The following AGTPBP1 variants were observed in gnomAD, a reference collection of about 807,000 sequenced individuals.
AGTPBP1 encodes the protein cytosolic carboxypeptidase 1.
Under a neutral mutation model 143.9 loss-of-function variants are expected in AGTPBP1, and 70 were observed. That is an observed-to-expected ratio of 0.49 (90% CI 0.40 to 0.59). The LOEUF is 0.59. AGTPBP1 is among the 20% of genes least tolerant of loss of function. The pLI is 0.00. For synonymous variants in AGTPBP1, 463 were observed against 500.2 expected (o/e 0.93, Z 0.99); for missense variants, 1,229 against 1,464.5 (o/e 0.84, Z 2.62).
At chr9:85,695,386 G>A (rs1836158185) in intron 2 of AGTPBP1, among the ~76,000 whole-genome samples, 1 of 152,042 alleles carries the variant, frequency 6.6e-6, no homozygotes, top group Non-Finnish European at 1.5e-5. Context: ...AAAATGCTAA[G>A]GGTACCTAAG....
At chr9:85,767,536 T>TG in the AGTPBP1 span, among the ~76,000 whole-genome samples, 1 of 152,042 alleles carries the variant, frequency 6.6e-6, no homozygotes, top group Non-Finnish European at 1.5e-5. Context: ...TTAGTAGAGA[T>TG]GGGGTTTCAC....
the AGTPBP1 span, among the ~76,000 whole-genome samples, chr9:85,753,757 A>AATAG: frequency 0.038 from 5,541 of 145,620 alleles, 104 homozygotes; most frequent in Middle Eastern, 0.059. Context: ...CCTCTCAATA[A>AATAG]ATAGATAGAT....
intron 1 of AGTPBP1, among the ~76,000 whole-genome samples, chr9:85,725,334 G>A (rs989067355): frequency 6.6e-6 from 1 of 152,126 alleles, no homozygotes; most frequent in African/African-American, 2.4e-5. Context: ...TAACTTTTGT[G>A]CATCAAGCAA....
chr9:85,721,024 T>C (rs1029189144), intron 1 of AGTPBP1, among the ~76,000 whole-genome samples: 5 of 152,246 alleles, frequency 3.3e-5, no homozygotes, highest in Non-Finnish European at 5.9e-5. Flanking sequence ...CACTGTGGTC[T>C]GAGAGATAGT....
At chr9:85,705,268 C>A (rs1318431332) in intron 2 of AGTPBP1, among the ~76,000 whole-genome samples, 1 of 147,084 alleles carries the variant, frequency 6.8e-6, no homozygotes, top group Non-Finnish European at 1.5e-5. Flanking sequence ...TCAAACCTTC[C>A]AAAATCAGTG....
chr9:85,655,643 G>A (rs1477988367), intron 10 of AGTPBP1, among the ~76,000 whole-genome samples: 8 of 151,140 alleles, frequency 5.3e-5, no homozygotes, highest in Non-Finnish European at 1.0e-4. Context: ...TAAGGGAAAA[G>A]GGGGAAAAGG....
chr9:85,686,473 C>T (rs1835494655), intron 3 of AGTPBP1, among the ~76,000 whole-genome samples: 1 of 152,024 alleles, frequency 6.6e-6, no homozygotes, highest in Non-Finnish European at 1.5e-5. Flanking sequence ...GTGCACAGTT[C>T]CCAGGACACA....
the AGTPBP1 span, among the ~76,000 whole-genome samples, chr9:85,759,116 T>G: frequency 6.6e-6 from 1 of 152,136 alleles, no homozygotes. Context: ...CTCAGATTCA[T>G]AAAGCAAGTC....
intron 2 of AGTPBP1, among the ~76,000 whole-genome samples, chr9:85,696,412 A>G (rs1836241741): frequency 6.6e-6 from 1 of 152,170 alleles, no homozygotes; most frequent in African/African-American, 2.4e-5. Context: ...TCATGCCTGT[A>G]ATTCCAGCAC....
intron 2 of AGTPBP1, among the ~76,000 whole-genome samples, chr9:85,707,840 A>T (rs1173248800): frequency 2.6e-5 from 4 of 151,214 alleles, no homozygotes; most frequent in Non-Finnish European, 5.9e-5. Flanking sequence ...GCATGTTCTC[A>T]CTCATAAGTG....
In AGTPBP1 at chr9:85,728,030, T is replaced by TATATACACAC. The variant is rs71505763; in HGVS notation, c.-34+13744_-34+13745insGTGTGTATAT. 7.3e-4 allele frequency among the ~76,000 whole-genome samples: 94 copies of TATATACACAC among 128,432 alleles called. 1 individual carries two copies. Among genetic ancestry groups the TATATACACAC allele is most frequent in the African/African-American group, 2.5e-3 (87 of 34,778 alleles). 84.3% of individuals were successfully genotyped at this position (128,432 alleles called of 152,430 possible). On this transcript the variant is annotated intron_variant, in intron 1 of 25. Transcript: ENST00000357081. ...CCGTGTCTCAAAATATATATTTATA[T>TATATACACAC]ACACACACACACACACACACACACA...
intron 25 of AGTPBP1, among the ~76,000 whole-genome samples, chr9:85,547,789 T>G (rs931066930): frequency 1.4e-4 from 21 of 152,200 alleles, no homozygotes; most frequent in African/African-American, 5.1e-4. Context: ...CCAGTTTCCG[T>G]AGGTCAAGAA....
At chr9:85,784,405 G>C in the AGTPBP1 span, among the ~76,000 whole-genome samples, 3 of 152,070 alleles carry the variant, frequency 2.0e-5, no homozygotes, top group African/African-American at 7.2e-5. Flanking sequence ...ACTGTCACCT[G>C]GGGAGCAGGA....
chr9:85,787,117 T>C, the AGTPBP1 span, among the ~76,000 whole-genome samples: 1,032 of 152,330 alleles, frequency 6.8e-3, 8 homozygotes, highest in South Asian at 0.019. Flanking sequence ...CTCACAGAAA[T>C]GGTCAGTCTT....
intron 1 of AGTPBP1, among the ~76,000 whole-genome samples, chr9:85,714,041 T>C (rs1587960451): frequency 6.6e-6 from 1 of 152,232 alleles, no homozygotes; most frequent in Admixed American, 6.5e-5. Context: ...TGGATTTTAC[T>C]AGAGTTGATA....
chr9:85,651,391 T>G (rs1191301099), intron 11 of AGTPBP1, among the ~76,000 whole-genome samples: 3 of 152,202 alleles, frequency 2.0e-5, no homozygotes, highest in Non-Finnish European at 4.4e-5. Flanking sequence ...AAGAACAGTA[T>G]AATATTAGGA....
chr9:85,776,720 T>C, the AGTPBP1 span, among the ~76,000 whole-genome samples: 1 of 152,180 alleles, frequency 6.6e-6, no homozygotes, highest in Non-Finnish European at 1.5e-5. Context: ...ATCTTAACTT[T>C]CAGTTTAATG....
chr9:85,741,596 G>A (rs959429534), intron 1 of AGTPBP1, 179 bp downstream of exon 1: 34 of 985,268 alleles, frequency 3.5e-5, no homozygotes, highest in Non-Finnish European at 4.1e-5. Flanking sequence ...CCTCAAGACC[G>A]AGTGCGTTCC....
At chr9:85,779,306 A>G in the AGTPBP1 span, among the ~76,000 whole-genome samples, 1 of 151,332 alleles carries the variant, frequency 6.6e-6, no homozygotes, top group South Asian at 2.1e-4. Flanking sequence ...TATATATATA[A>G]AGGGGAGTTT....
Sources: gnomAD v4.1 joint callset for allele counts (sites outside exome capture counted in the v4.1 genomes callset) on GRCh38, gnomAD v4.1.1 for gene constraint, MANE v1.5 for transcripts, NCBI Gene and HGNC (gene_info 2026-07-23, HGNC 2026-07-21) for gene names.